Variants in NELL1 observed in about 807,000 individuals in gnomAD.
The protein encoded by NELL1 is protein kinase C-binding protein NELL1.
A neutral mutation model predicts 107.4 loss-of-function variants in NELL1; 76 were observed. That is an observed-to-expected ratio of 0.71 (90% CI 0.59 to 0.86). The LOEUF is 0.86. Ranked by LOEUF, NELL1 falls within the 40% of genes least tolerant of loss-of-function variation. The probability of loss-of-function intolerance (pLI) is 0.00; values close to 1 mark genes in which losing one functional copy is unlikely to be tolerated. For synonymous variants in NELL1, 353 were observed against 341.2 expected, an observed-to-expected ratio of 1.03 and a Z score of -0.38; for missense variants, 1,024 against 1,005.5, an observed-to-expected ratio of 1.02 and a Z score of -0.25.
intron 13 of NELL1, among the ~76,000 whole-genome samples, chr11:21,137,838 A>G (rs905987725): frequency 6.6e-6 from 1 of 152,190 alleles, no homozygotes; most frequent in Non-Finnish European, 1.5e-5. Flanking sequence ...AGTTAAATAT[A>G]CTTGGAGAGA....
chr11:20,760,593 C>G (rs1856397826), intron 2 of NELL1, among the ~76,000 whole-genome samples: 1 of 152,102 alleles, frequency 6.6e-6, no homozygotes, highest in African/African-American at 2.4e-5. Context: ...GTGTGTCCAG[C>G]CAGTGGAGGA....
At chr11:20,852,075 C>T (rs1425287146) in intron 4 of NELL1, among the ~76,000 whole-genome samples, 3 of 152,182 alleles carry the variant, frequency 2.0e-5, no homozygotes, top group African/African-American at 7.2e-5. Flanking sequence ...ATGCCGGCAT[C>T]CCTACCCTGT....
intron 5 of NELL1, among the ~76,000 whole-genome samples, chr11:20,915,876 ATTT>A (rs774293211): frequency 4.6e-5 from 7 of 151,128 alleles, no homozygotes; most frequent in Non-Finnish European, 1.0e-4. Flanking sequence ...CCATATAGCA[ATTT>A]AATGCCAGAC....
intron 15 of NELL1, among the ~76,000 whole-genome samples, chr11:21,495,790 G>A (rs907206118): frequency 6.6e-6 from 1 of 151,980 alleles, no homozygotes; most frequent in East Asian, 1.9e-4. Flanking sequence ...TATGCTTATT[G>A]GCCATTTGTA....
chr11:20,933,553 G>C (rs1833970801), intron 9 of NELL1, among the ~76,000 whole-genome samples: 1 of 152,180 alleles, frequency 6.6e-6, no homozygotes, highest in Non-Finnish European at 1.5e-5. Flanking sequence ...CACTGAGGGA[G>C]GAAGGATCTT....
intron 2 of NELL1, among the ~76,000 whole-genome samples, chr11:20,781,663 A>G (rs1219080725): frequency 6.6e-6 from 1 of 152,164 alleles, no homozygotes; most frequent in Non-Finnish European, 1.5e-5. Flanking sequence ...AAGTAAACAT[A>G]TAACTTAATT....
chr11:21,540,817 G>C lies in NELL1; in HGVS notation c.1786+6303G>C, dbSNP rs144093508. 2.0e-5 allele frequency among the ~76,000 whole-genome samples: 3 copies of C among 152,150 alleles called. No homozygotes were observed. In the East Asian group the frequency reaches 5.8e-4, roughly 30 times the overall value. On this transcript the variant is annotated intron_variant, in intron 16 of 19. Transcript: ENST00000357134. The stretch of plus-strand genomic sequence containing the variant: ...GATTACAATTTGACATGAGCTTTGG[G>C]TGGAGACACAAATCCAAACCATATC...
intron 15 of NELL1, among the ~76,000 whole-genome samples, chr11:21,498,075 G>T (rs1282223285): frequency 1.3e-5 from 2 of 151,652 alleles, no homozygotes; most frequent in Non-Finnish European, 2.9e-5. Context: ...AAGTACACAG[G>T]AAAATATTAC....
chr11:20,937,183 CT>C (rs1850744239), intron 9 of NELL1, among the ~76,000 whole-genome samples: 1 of 152,188 alleles, frequency 6.6e-6, no homozygotes, highest in African/African-American at 2.4e-5. Context: ...TTGAAATTTT[CT>C]ACAAGTTCAC....
chr11:21,029,469 A>T (rs573186039), intron 12 of NELL1, among the ~76,000 whole-genome samples: 10 of 151,914 alleles, frequency 6.6e-5, no homozygotes, highest in Non-Finnish European at 1.5e-4. Context: ...CCTCTCCCTC[A>T]CAATCCTGTT....
intron 1 of NELL1, among the ~76,000 whole-genome samples, chr11:20,676,172 G>A (rs954902520): frequency 6.6e-6 from 1 of 152,062 alleles, no homozygotes; most frequent in East Asian, 1.9e-4. Context: ...CATGTGGAAA[G>A]CTTCCTCCCA....
intron 2 of NELL1, among the ~76,000 whole-genome samples, chr11:20,781,874 C>A (rs866246972): frequency 0.012 from 911 of 77,136 alleles, no homozygotes; most frequent in Middle Eastern, 0.024. Context: ...ACCAAAAATA[C>A]AAAAAAAAAA....
intron 14 of NELL1, among the ~76,000 whole-genome samples, chr11:21,314,918 G>A (rs1289762464): frequency 2.6e-5 from 4 of 151,808 alleles, no homozygotes; most frequent in Non-Finnish European, 5.9e-5. Context: ...GTGCAGTGGC[G>A]CAATATCAGC....
At chr11:20,682,191 A>G (rs1854204583) in intron 2 of NELL1, among the ~76,000 whole-genome samples, 1 of 151,986 alleles carries the variant, frequency 6.6e-6, no homozygotes, top group Admixed American at 6.6e-5. Context: ...CTACAATTAA[A>G]TCTTCCTTTT....
At chr11:21,519,126 A>C (rs1327682962) in intron 15 of NELL1, among the ~76,000 whole-genome samples, 1 of 152,184 alleles carries the variant, frequency 6.6e-6, no homozygotes, top group Non-Finnish European at 1.5e-5. Flanking sequence ...ACATAGTAGG[A>C]ATTCTGTCAT....
intron 2 of NELL1, among the ~76,000 whole-genome samples, chr11:20,694,989 C>T (rs753081112): frequency 6.6e-5 from 10 of 151,978 alleles, no homozygotes; most frequent in Non-Finnish European, 1.3e-4. Context: ...TTATAGTTCT[C>T]CTTGTAGAGA....
intron 14 of NELL1, among the ~76,000 whole-genome samples, chr11:21,259,096 GA>G (rs1401095031): frequency 6.6e-6 from 1 of 151,896 alleles, no homozygotes; most frequent in Non-Finnish European, 1.5e-5. Context: ...ATAGAAGCGG[GA>G]GGGGGGCAGT....
chr11:21,016,675 A>C (rs1358847801), intron 12 of NELL1, among the ~76,000 whole-genome samples: 1 of 152,014 alleles, frequency 6.6e-6, no homozygotes, highest in African/African-American at 2.4e-5. Context: ...CACATGTCCT[A>C]TCCTTGTTAA....
chr11:21,294,466 C>T (rs1849334629), intron 14 of NELL1, among the ~76,000 whole-genome samples: 1 of 151,972 alleles, frequency 6.6e-6, no homozygotes, highest in African/African-American at 2.4e-5. Flanking sequence ...CAGCACAGTG[C>T]CTTACATATG....
Sources: allele counts gnomAD v4.1 joint callset (sites outside exome capture counted in the v4.1 genomes callset), GRCh38; gene constraint gnomAD v4.1.1; transcripts MANE v1.5; gene names NCBI Gene and HGNC (gene_info 2026-07-23, HGNC 2026-07-21).